The following UBA52 variants were observed in gnomAD, a reference collection of about 807,000 sequenced individuals.
UBA52 encodes the protein ubiquitin A-52 residue ribosomal protein fusion product 1.
UBA52 carries 1 observed loss-of-function variant against 15.3 expected under a neutral mutation model. The ratio of observed to expected loss-of-function variants is 0.07; its 90% CI spans 0.02 to 0.31. The LOEUF (loss-of-function observed/expected upper bound fraction) is 0.31. Among genes scored for constraint, UBA52 ranks in the 10% least tolerant of loss-of-function variants. The pLI is 1.00. For missense variants in UBA52, 87 were observed against 168.0 expected (o/e 0.52, Z 2.66); for synonymous variants, 50 against 58.3 (o/e 0.86, Z 0.65).
chr19:18,573,453 T>G lies in UBA52; in HGVS notation c.103+50T>G, dbSNP rs1390572555. 8.0e-6 allele frequency: 12 copies of G among 1,509,380 alleles called. No individual in the cohort carries two copies. In the East Asian group the frequency reaches 2.7e-4, roughly 34 times the overall value. The allele number at this position is 1,509,380 out of a possible 1,614,324, so 93.5% of individuals were successfully genotyped here. A position where few individuals can be genotyped will look rare whatever the true frequency, so the allele number is the denominator to read the frequency against. On this transcript the variant is annotated intron_variant, in intron 2 of 4. Coordinates refer to ENST00000442744, the MANE Select transcript of UBA52 (RefSeq NM_001033930.3). Reference sequence around the variant, plus strand: ...TCTGGCTGTGAACTGGGAGTCCCTCTCTGCCCAGGGGAGTCTCAGTCCTGT... The same window carrying G: ...TCTGGCTGTGAACTGGGAGTCCCTCGCTGCCCAGGGGAGTCTCAGTCCTGT...
At chr19:18,565,354 G>A in the UBA52 span, among the ~76,000 whole-genome samples, 2 of 148,958 alleles carry the variant, frequency 1.3e-5, no homozygotes, top group African/African-American at 2.5e-5. Flanking sequence ...CTCAGTCTCC[G>A]GAGTAGCTGG....
chr19:18,565,050 C>A, the UBA52 span: 1 of 1,594,050 alleles, frequency 6.3e-7, no homozygotes, highest in Non-Finnish European at 8.5e-7. Flanking sequence ...CCCAGCCCAG[C>A]TGACCTCTGC....
chr19:18,568,017 C>T (rs1975338048), upstream of UBA52, among the ~76,000 whole-genome samples: 1 of 152,158 alleles, frequency 6.6e-6, no homozygotes, highest in African/African-American at 2.4e-5. Flanking sequence ...CCTGTAATCC[C>T]AACACTTTGG....
intron 3 of UBA52, among the ~76,000 whole-genome samples, chr19:18,574,414 G>A (rs1445391723): frequency 6.6e-6 from 1 of 151,484 alleles, no homozygotes; most frequent in African/African-American, 2.4e-5. Context: ...TCAGCCTCCC[G>A]AGTAGCTGGG....
the UBA52 span, chr19:18,564,948 G>A: frequency 6.2e-6 from 10 of 1,613,030 alleles, no homozygotes; most frequent in African/African-American, 6.7e-5. Flanking sequence ...GCAGATGAGC[G>A]AACGCTTCCT....
Position 18,573,609 on chromosome 19 carries a change from A to G in UBA52, c.104-53A>G, listed in dbSNP as rs1258447286. 1.3e-5 allele frequency: 20 copies of G among 1,581,102 alleles called. No homozygotes were observed. The East Asian group carries it at 4.5e-4, about 35-fold the overall frequency. ...GTGCTGGAGCTCCCCTGCAGAGGACACTGCCAGTAATATGGTCCGCAGAGC... is the reference window on the plus strand; with the variant it reads ...GTGCTGGAGCTCCCCTGCAGAGGACGCTGCCAGTAATATGGTCCGCAGAGC... On this transcript the variant is annotated intron_variant, in intron 2 of 4. Transcript: ENST00000442744.
chr19:18,571,022 C>T (rs1212318519), upstream of UBA52, among the ~76,000 whole-genome samples: 1 of 151,352 alleles, frequency 6.6e-6, no homozygotes, highest in Non-Finnish European at 1.5e-5. Flanking sequence ...GGATCCTACA[C>T]TGAAAAGAGA....
upstream of UBA52, chr19:18,571,606 G>A (rs1975481382): frequency 6.6e-6 from 1 of 152,326 alleles, no homozygotes; most frequent in Non-Finnish European, 1.5e-5. Context: ...GCCAGCGGTT[G>A]TCAGTGGCCT....
upstream of UBA52, chr19:18,567,094 C>T (rs1178862188): frequency 1.9e-6 from 3 of 1,604,164 alleles, no homozygotes; most frequent in Admixed American, 5.0e-5. Context: ...CCTACCTGCT[C>T]AGCAGGTTAA....
intron 1 of UBA52, chr19:18,572,793 G>T: frequency 9.9e-7 from 1 of 1,005,124 alleles, no homozygotes; most frequent in South Asian, 4.0e-5. Context: ...GCTCCAGCTT[G>T]GAGTTAGAGA....
upstream of UBA52, among the ~76,000 whole-genome samples, chr19:18,569,754 C>G (rs1427660351): frequency 1.3e-5 from 2 of 151,756 alleles, no homozygotes; most frequent in Non-Finnish European, 2.9e-5. Flanking sequence ...GTTGTTATGA[C>G]CGGGCTTGGT....
At chr19:18,570,850 G>C (rs572404387), upstream of UBA52, among the ~76,000 whole-genome samples, 3 of 151,748 alleles carry the variant, frequency 2.0e-5, no homozygotes, top group East Asian at 6.0e-4. Flanking sequence ...ACCACGCCCA[G>C]CTAATTTTGT....
chr19:18,573,729 A>G lies in UBA52; in HGVS notation c.171A>G (p.Ser57=). ...GKQLEDGRTL[S]DYNIQKESTL... ...AGCTGGAGGATGGCCGCACTCTCTC[A>G]GACTACAACATCCAGAAAGGTACCG... Residue 57 remains serine (S), a synonymous_variant, in exon 3 of 5, where the codon TCA becomes TCG. Coordinates refer to ENST00000442744, the MANE Select transcript of UBA52 (RefSeq NM_001033930.3). The G allele has an allele frequency of 6.2e-7, 1 of 1,614,172 alleles. No individual in the cohort carries two copies. Among genetic ancestry groups the G allele is most frequent in the Non-Finnish European group, 8.5e-7 (1 of 1,180,032 alleles).
chr19:18,573,796 T>G (rs1568428874), intron 3 of UBA52, 48 bp downstream of exon 3: 1 of 1,577,856 alleles, frequency 6.3e-7, no homozygotes, highest in African/African-American at 1.3e-5. Context: ...CCCCAGGTCC[T>G]AGGAAAGGAG....
At position 18,576,402 on chromosome 19, in the gene UBA52, C is replaced by T. The variant is rs928780092; in HGVS notation, c.*1252C>T. ...TTTTTTAGATGGGGTGAGCACAGACCAATTCCTGTTTTATTTACTGATTTA... is the reference window on the plus strand; with the variant it reads ...TTTTTTAGATGGGGTGAGCACAGACTAATTCCTGTTTTATTTACTGATTTA... On this transcript the variant is annotated 3_prime_UTR_variant, in exon 5 of 5. Transcript: ENST00000442744. The T allele has an allele frequency of 6.6e-6, 1 of 152,124 alleles. No individual in the cohort carries two copies. The highest frequency in any genetic ancestry group is 1.5e-5 in the Non-Finnish European group (1 of 68,060). 9.4% of individuals were successfully genotyped at this position (152,124 alleles called of 1,614,324 possible).
chr19:18,575,401 A>G lies in UBA52; in HGVS notation c.*251A>G. ...CCCTGCCCTATGCCCCTGACTCTGG[A>G]TTTGTCATCTGTAAAACTGGAGTAA... is the stretch of plus-strand genomic sequence containing the variant. On this transcript the variant is annotated 3_prime_UTR_variant, in exon 5 of 5. Coordinates refer to ENST00000442744, the MANE Select transcript of UBA52 (RefSeq NM_001033930.3). The G allele has an allele frequency of 2.0e-6, 1 of 505,792 alleles. No homozygotes were observed. The highest frequency in any genetic ancestry group is 2.2e-5 in the South Asian group (1 of 46,404). 31.3% of individuals were successfully genotyped at this position (505,792 alleles called of 1,614,324 possible).
At chr19:18,568,687 C>T (rs182687939), upstream of UBA52, 377 of 1,346,296 alleles carry the variant, frequency 2.8e-4, no homozygotes, top group African/African-American at 1.6e-3. Context: ...AAGGTGGCAG[C>T]GGGTAACCCT....
At chr19:18,573,472 G>A in intron 2 of UBA52, 69 bp downstream of exon 2, 1 of 1,419,740 alleles carries the variant, frequency 7.0e-7, no homozygotes, top group South Asian at 1.2e-5. Flanking sequence ...GGGAGTCTCA[G>A]TCCTGTGTGG....
chr19:18,566,624 C>T, the UBA52 span, among the ~76,000 whole-genome samples: 2 of 151,786 alleles, frequency 1.3e-5, no homozygotes, highest in Admixed American at 6.6e-5. Flanking sequence ...AATCCCGTCT[C>T]TACTAAAAAT....
Sources: allele counts gnomAD v4.1 joint callset (sites outside exome capture counted in the v4.1 genomes callset), GRCh38; gene constraint gnomAD v4.1.1; transcripts MANE v1.5; gene names NCBI Gene and HGNC (gene_info 2026-07-23, HGNC 2026-07-21).